Variants in MAPDA observed in about 807,000 individuals in gnomAD.
MAPDA encodes N6,N6-dimethyl-AMP deaminase.
the MAPDA span, chr15:43,335,948 C>T: frequency 8.3e-7 from 1 of 1,210,094 alleles, no homozygotes; most frequent in Admixed American, 2.4e-5. Context: ...TGGTGTGGAG[C>T]ATATATCTTA....
the MAPDA span, chr15:43,332,464 A>G: frequency 2.6e-5 from 4 of 152,212 alleles, no homozygotes; most frequent in Non-Finnish European, 5.9e-5. Flanking sequence ...GGTTCCTAAA[A>G]TGTAGGTGTT....
chr15:43,342,747 C>CA, the MAPDA span, among the ~76,000 whole-genome samples: 163 of 121,670 alleles, frequency 1.3e-3, 1 homozygote, highest in African/African-American at 3.1e-3. Context: ...GACCCTGTCT[C>CA]AAAAAAAAAA....
the MAPDA span, among the ~76,000 whole-genome samples, chr15:43,338,028 G>A: frequency 6.6e-6 from 1 of 152,126 alleles, no homozygotes; most frequent in Non-Finnish European, 1.5e-5. Flanking sequence ...CCACCACAGG[G>A]GCCCTGGTCT....
the MAPDA span, chr15:43,352,559 TAGTC>T: frequency 1.3e-5 from 2 of 151,928 alleles, no homozygotes; most frequent in Admixed American, 6.6e-5. Context: ...AACCGGAAAT[TAGTC>T]AGGCACGGTG....
the MAPDA span, among the ~76,000 whole-genome samples, chr15:43,334,483 C>T: frequency 6.6e-6 from 1 of 150,574 alleles, no homozygotes; most frequent in Non-Finnish European, 1.5e-5. Flanking sequence ...CAAAAATTGG[C>T]CAGGTGTGGT....
the MAPDA span, chr15:43,345,974 C>A: frequency 4.3e-6 from 7 of 1,613,862 alleles, no homozygotes; most frequent in African/African-American, 8.0e-5. Context: ...TCAGTGGAGA[C>A]CCTACTGTAA....
At chr15:43,339,448 G>T in the MAPDA span, among the ~76,000 whole-genome samples, 1 of 152,188 alleles carries the variant, frequency 6.6e-6, no homozygotes, top group African/African-American at 2.4e-5. Flanking sequence ...CATACTGTTA[G>T]GCACTGTATG....
At chr15:43,349,282 T>C in the MAPDA span, 1 of 1,225,754 alleles carries the variant, frequency 8.2e-7, no homozygotes, top group African/African-American at 1.5e-5. Context: ...CATTCTCCAA[T>C]GCTTGGAACT....
the MAPDA span, chr15:43,330,719 G>GT: frequency 2.2e-6 from 1 of 453,392 alleles, no homozygotes; most frequent in Admixed American, 3.9e-5. Context: ...TTGGAATGTC[G>GT]TGAGTTCCAT....
the MAPDA span, among the ~76,000 whole-genome samples, chr15:43,334,633 TTATATATATATATATATATA>T: frequency 9.3e-3 from 607 of 65,174 alleles, 41 homozygotes; most frequent in Non-Finnish European, 0.018. Context: ...CTCAAAAAAA[TTATATATATATATATATATA>T]TATATATATA....
At chr15:43,344,030 T>G in the MAPDA span, among the ~76,000 whole-genome samples, 1 of 152,160 alleles carries the variant, frequency 6.6e-6, no homozygotes, top group Non-Finnish European at 1.5e-5. Context: ...TAGCCAGTGT[T>G]TGTAAGTTAC....
chr15:43,333,616 T>G, the MAPDA span, among the ~76,000 whole-genome samples: 3 of 152,230 alleles, frequency 2.0e-5, no homozygotes, highest in African/African-American at 7.2e-5. Context: ...TATGGCTATG[T>G]TTAGTCCTAT....
chr15:43,348,576 T>A, the MAPDA span, among the ~76,000 whole-genome samples: 5 of 152,178 alleles, frequency 3.3e-5, no homozygotes, highest in Non-Finnish European at 4.4e-5. Context: ...TGAAGTTTTA[T>A]TTTTTGAAAA....
chr15:43,337,231 G>C, the MAPDA span, among the ~76,000 whole-genome samples: 1 of 144,786 alleles, frequency 6.9e-6, no homozygotes, highest in East Asian at 2.1e-4. Context: ...AGCCGAGATC[G>C]CGCCACCGCA....
the MAPDA span, among the ~76,000 whole-genome samples, chr15:43,342,531 T>G: frequency 1.3e-5 from 2 of 151,518 alleles, no homozygotes; most frequent in Non-Finnish European, 2.9e-5. Flanking sequence ...GGCGTGTCAC[T>G]TTCAGCCCAG....
the MAPDA span, among the ~76,000 whole-genome samples, chr15:43,345,522 AAG>A: frequency 6.6e-6 from 1 of 152,106 alleles, no homozygotes; most frequent in East Asian, 1.9e-4. Flanking sequence ...GTTGTAGATT[AAG>A]AGAGGCTTAG....
At chr15:43,344,320 T>C in the MAPDA span, among the ~76,000 whole-genome samples, 2 of 152,190 alleles carry the variant, frequency 1.3e-5, no homozygotes, top group African/African-American at 2.4e-5. Context: ...GCTCATATGA[T>C]TTATACTATT....
the MAPDA span, chr15:43,345,726 C>T: frequency 9.0e-7 from 1 of 1,109,772 alleles, no homozygotes; most frequent in Non-Finnish European, 1.3e-6. Context: ...TGTCTAGATT[C>T]AGTCAGGCTA....
chr15:43,336,625 G>C, the MAPDA span: 27 of 1,566,876 alleles, frequency 1.7e-5, no homozygotes, highest in Middle Eastern at 1.7e-4. Context: ...TCATGTTGCA[G>C]ATGTTTCCAG....
Sources: allele counts gnomAD v4.1 joint callset (sites outside exome capture counted in the v4.1 genomes callset), GRCh38; gene constraint gnomAD v4.1.1; transcripts MANE v1.5; gene names NCBI Gene and HGNC (gene_info 2026-07-23, HGNC 2026-07-21).